ABCA13: variants seen among roughly 807,000 people sequenced by gnomAD.
The protein encoded by ABCA13 is ATP binding cassette subfamily A member 13, also known as ATP-binding cassette sub-family A member 13.
In ABCA13, 476 loss-of-function variants were observed where a neutral mutation model predicts 478.7. That is an observed-to-expected ratio of 0.99 (90% confidence interval 0.92 to 1.07). The LOEUF (loss-of-function observed/expected upper bound fraction) is 1.07. Ranked by LOEUF, ABCA13 falls within the 50% of genes least tolerant of loss-of-function variation. The pLI is 0.00. For synonymous variants in ABCA13, 2,252 were observed against 2,158.9 expected (o/e 1.04, Z -1.20); for missense variants, 6,060 against 5,910.6 (o/e 1.03, Z -0.83).
chr7:48,480,750 A>AT (rs1282682255), intron 45 of ABCA13, among the ~76,000 whole-genome samples: 4 of 152,078 alleles, frequency 2.6e-5, no homozygotes, highest in East Asian at 1.9e-4. Context: ...CAGTGAAAAC[A>AT]TTTTTTTTCT....
At chr7:48,410,207 CAAAG>C (rs1818818164) in intron 39 of ABCA13, among the ~76,000 whole-genome samples, 1 of 150,690 alleles carries the variant, frequency 6.6e-6, no homozygotes, top group Non-Finnish European at 1.5e-5. Context: ...TGATCTGCTT[CAAAG>C]ACAGAGAGAA....
chr7:48,455,222 A>G lies in ABCA13; in HGVS notation c.12751A>G (p.Thr4251Ala). The change falls in exon 43 of 62, where the codon ACC becomes GCC. Residue 4251 changes from threonine (T) to alanine (A), a missense_variant. Transcript: ENST00000435803. ...CTTGTTCATGGTGAGACCCCTGGCC[A>G]CCGAGTACCCTCCCCTCAGACTCAC... ...MGLFMVRPLA[T>A]EYPPLRLTPG... 6.2e-7 allele frequency: 1 copy of G among 1,602,118 alleles called. No homozygotes were observed. Among genetic ancestry groups the G allele is most frequent in the African/African-American group, 1.3e-5 (1 of 74,684 alleles).
intron 55 of ABCA13, among the ~76,000 whole-genome samples, chr7:48,568,781 TTTATTA>T (rs1403714308): frequency 6.6e-6 from 1 of 151,864 alleles, no homozygotes; most frequent in African/African-American, 2.4e-5. Context: ...TTTTATTGTT[TTTATTA>T]TTATTATTAC....
intron 3 of ABCA13, among the ~76,000 whole-genome samples, chr7:48,210,512 T>A (rs1177944539): frequency 6.6e-6 from 1 of 152,174 alleles, no homozygotes; most frequent in Non-Finnish European, 1.5e-5. Flanking sequence ...TTTTGCTGTA[T>A]CCCACAGGTT....
At chr7:48,403,499 T>C (rs1226402060) in intron 38 of ABCA13, among the ~76,000 whole-genome samples, 184 bp from the exon 39 acceptor site, 1 of 152,228 alleles carries the variant, frequency 6.6e-6, no homozygotes, top group Non-Finnish European at 1.5e-5. Flanking sequence ...CGTGGTTCCA[T>C]CTGAACCTGA....
At chr7:48,514,283 A>G (rs893102477) in intron 51 of ABCA13, among the ~76,000 whole-genome samples, 2 of 152,164 alleles carry the variant, frequency 1.3e-5, no homozygotes, top group African/African-American at 4.8e-5. Context: ...AAACTCCCCT[A>G]AGTCCCACAA....
chr7:48,557,106 G>A (rs1785913767), intron 55 of ABCA13, among the ~76,000 whole-genome samples: 1 of 151,904 alleles, frequency 6.6e-6, no homozygotes, highest in Non-Finnish European at 1.5e-5. Context: ...TTGTCCTCCA[G>A]CTTCTTAACT....
chr7:48,207,457 A>G (rs1307970125), intron 3 of ABCA13, among the ~76,000 whole-genome samples: 1 of 151,894 alleles, frequency 6.6e-6, no homozygotes, highest in Non-Finnish European at 1.5e-5. Context: ...CCTCACTAAC[A>G]TTTGCTATTG....
intron 35 of ABCA13, among the ~76,000 whole-genome samples, chr7:48,386,285 C>G (rs914712016): frequency 6.6e-6 from 1 of 152,166 alleles, no homozygotes; most frequent in African/African-American, 2.4e-5. Context: ...CAGGAAGAAT[C>G]AATATCATTA....
In ABCA13 at chr7:48,320,900, A is replaced by G. The variant is rs56938193; in HGVS notation, c.9999+3604A>G. Among the ~76,000 whole-genome samples the G allele has an allele frequency of 8.8e-3, 1,339 of 152,342 alleles. 22 individuals are homozygous for G. Among genetic ancestry groups the G allele is most frequent in the African/African-American group, 0.027 (1,109 of 41,588 alleles). On this transcript the variant is annotated intron_variant, in intron 27 of 61. Transcript: ENST00000435803. ...TGTCCTCCTTTGTGAAACTGGGCTA[A>G]ATCATAACTCTCAGTGCCATTTGGA... is the stretch of plus-strand genomic sequence containing the variant.
At chr7:48,498,055 C>T (rs1830431331) in intron 48 of ABCA13, among the ~76,000 whole-genome samples, 1 of 152,120 alleles carries the variant, frequency 6.6e-6, no homozygotes, top group Non-Finnish European at 1.5e-5. Flanking sequence ...CTAGCCCTGT[C>T]TCACTCTGCT....
intron 59 of ABCA13, among the ~76,000 whole-genome samples, chr7:48,624,362 T>C (rs1793459258): frequency 6.6e-6 from 1 of 152,064 alleles, no homozygotes; most frequent in South Asian, 2.1e-4. Flanking sequence ...GCTTTTCTCC[T>C]CCCTTGAACC....
chr7:48,275,140 G>A lies in ABCA13; in HGVS notation c.5474G>A (p.Trp1825Ter). ...GCTTGTTTTCCTGTGGTTTGGTGCT[G>A]GAATCACACAAATTCTGGATTTCGG... ...ALACFPVVWC[W>*]NHTNSGFRQN... The change falls in exon 17 of 62, where the codon TGG becomes TAG. Residue 1825 changes from tryptophan (W) to a stop codon, truncating the protein, a stop_gained. Transcript: ENST00000435803. LOFTEE classifies it high-confidence loss of function. 1 of 1,613,836 alleles carries A rather than the reference G, an allele frequency of 6.2e-7. No individual in the cohort carries two copies. The highest frequency in any genetic ancestry group is 8.5e-7 in the Non-Finnish European group (1 of 1,179,842).
At chr7:48,234,650 T>A (rs902220405) in intron 8 of ABCA13, among the ~76,000 whole-genome samples, 2 of 152,254 alleles carry the variant, frequency 1.3e-5, no homozygotes, top group Admixed American at 6.5e-5. Flanking sequence ...TTGGACTGGA[T>A]GATCGATCCC....
At chr7:48,597,591 C>T (rs1790434627) in intron 58 of ABCA13, among the ~76,000 whole-genome samples, 1 of 152,154 alleles carries the variant, frequency 6.6e-6, no homozygotes, top group South Asian at 2.1e-4. Flanking sequence ...TGATGAGTCT[C>T]CTTTATTCCA....
intron 55 of ABCA13, among the ~76,000 whole-genome samples, chr7:48,533,696 T>A (rs1302015436): frequency 6.6e-6 from 1 of 152,170 alleles, no homozygotes; most frequent in African/African-American, 2.4e-5. Context: ...CATATATGTT[T>A]AGGATTGTGA....
chr7:48,396,128 C>T (rs1816800083), intron 38 of ABCA13, among the ~76,000 whole-genome samples: 1 of 152,206 alleles, frequency 6.6e-6, no homozygotes, highest in Non-Finnish European at 1.5e-5. Flanking sequence ...ATTTATTACC[C>T]TCCCCTCCAC....
At chr7:48,365,346 T>C (rs1231172157) in intron 31 of ABCA13, among the ~76,000 whole-genome samples, 1 of 152,174 alleles carries the variant, frequency 6.6e-6, no homozygotes, top group Admixed American at 6.6e-5. Context: ...TTTGCAAATA[T>C]TTTCTCCCAT....
intron 39 of ABCA13, among the ~76,000 whole-genome samples, chr7:48,406,698 C>A (rs1488823916): frequency 6.6e-6 from 1 of 151,910 alleles, no homozygotes; most frequent in African/African-American, 2.4e-5. Flanking sequence ...TATGATGAAA[C>A]CCTGTCTCTA....
Sources: gnomAD v4.1 joint callset for allele counts (sites outside exome capture counted in the v4.1 genomes callset) on GRCh38, gnomAD v4.1.1 for gene constraint, MANE v1.5 for transcripts, NCBI Gene and HGNC (gene_info 2026-07-23, HGNC 2026-07-21) for gene names.